C5: variants seen among roughly 807,000 people sequenced by gnomAD.
C5 encodes complement C5, also known as C3 and PZP-like alpha-2-macroglobulin domain-containing protein 4.
Under a neutral mutation model 218.8 loss-of-function variants are expected in C5, and 140 were observed. The ratio of observed to expected loss-of-function variants is 0.64; its 90% confidence interval spans 0.56 to 0.74. The LOEUF is 0.74. C5 is among the 30% of genes least tolerant of loss of function. The pLI is 0.00. For synonymous variants in C5, 614 were observed against 682.3 expected, an observed-to-expected ratio of 0.90 and a Z score of 1.56; for missense variants, 1,700 against 1,969.6, an observed-to-expected ratio of 0.86 and a Z score of 2.59.
chr9:120,980,320 C>A, intron 27 of C5, 66 bp from the exon 28 acceptor site: 2 of 1,353,142 alleles, frequency 1.5e-6, no homozygotes, highest in East Asian at 4.6e-5. Context: ...ATATGAACTA[C>A]CCTCAGATCC....
chr9:120,989,522 A>G (rs3764912), intron 24 of C5, 46 bp downstream of exon 24: 628,050 of 1,193,092 alleles, frequency 0.53, 172,498 homozygotes, highest in East Asian at 0.76. Context: ...TAAAAATATT[A>G]GTTTAGAATC....
At chr9:121,066,137 A>G in the C5 span, among the ~76,000 whole-genome samples, 1 of 151,772 alleles carries the variant, frequency 6.6e-6, no homozygotes, top group Non-Finnish European at 1.5e-5. Context: ...ATATGGCGAA[A>G]CCCCATCTCT....
intron 26 of C5, among the ~76,000 whole-genome samples, 160 bp downstream of exon 26, chr9:120,982,495 G>C (rs181244356): frequency 6.6e-6 from 1 of 152,328 alleles, no homozygotes; most frequent in East Asian, 1.9e-4. Context: ...CTTCACTTCA[G>C]ATATTATGGG....
chr9:121,050,399 C>T (rs2047663294), upstream of C5: 7 of 676,698 alleles, frequency 1.0e-5, no homozygotes, highest in East Asian at 1.9e-4. Flanking sequence ...AACTAAAACA[C>T]CCTTTCATGC....
chr9:120,987,374 G>A (rs577333558), intron 25 of C5, among the ~76,000 whole-genome samples: 2 of 152,160 alleles, frequency 1.3e-5, no homozygotes, highest in Non-Finnish European at 2.9e-5. Flanking sequence ...GCCAGGCGCA[G>A]TGGCTCATGC....
chr9:121,004,720 C>T (rs528934966), intron 20 of C5, among the ~76,000 whole-genome samples: 62 of 152,028 alleles, frequency 4.1e-4, no homozygotes, highest in African/African-American at 1.4e-3. Context: ...TTGCAGTGAG[C>T]GGAGATCGCA....
intron 29 of C5, 34 bp downstream of exon 29, chr9:120,976,666 T>C: frequency 6.4e-7 from 1 of 1,555,394 alleles, no homozygotes; most frequent in Non-Finnish European, 8.9e-7. Flanking sequence ...TAAAAATGTC[T>C]ACAGGGAGAT....
chr9:121,056,793 G>A, the C5 span, among the ~76,000 whole-genome samples: 29 of 152,138 alleles, frequency 1.9e-4, no homozygotes, highest in East Asian at 2.5e-3. Flanking sequence ...GAGAGAGAGA[G>A]AAAAATTGGG....
At chr9:121,039,408 G>C (rs917742957) in intron 3 of C5, among the ~76,000 whole-genome samples, 1 of 152,058 alleles carries the variant, frequency 6.6e-6, no homozygotes, top group Non-Finnish European at 1.5e-5. Context: ...GGAGGCCGAG[G>C]TAAGTGGATC....
chr9:120,990,786 C>T (rs1256927856), intron 23 of C5, among the ~76,000 whole-genome samples: 1 of 152,188 alleles, frequency 6.6e-6, no homozygotes, highest in African/African-American at 2.4e-5. Flanking sequence ...ACTAAGACAA[C>T]CCTTCTGGGA....
rs1170628538 is a variant in C5, at chr9:121,039,170, C to A, written c.422-1219G>T. ...CTTGTGAGAATTAAATAATGCAAAG[C>A]TTTTGCATAGCCTGACACATACTAA... On this transcript the variant is annotated intron_variant, in intron 3 of 40. Transcript: ENST00000223642. Among the ~76,000 whole-genome samples the A allele has an allele frequency of 5.3e-5, 8 of 152,260 alleles. No individual in the cohort carries two copies. In the East Asian group the frequency reaches 9.6e-4, roughly 18 times the overall value.
In C5 at chr9:120,976,754, G is replaced by C; in HGVS notation, c.3810C>G (p.Val1270=). The C allele has an allele frequency of 1.2e-6, 2 of 1,614,090 alleles. No individual in the cohort carries two copies. The highest frequency in any genetic ancestry group is 2.2e-5 in the South Asian group (2 of 91,064). Reference sequence around the variant, plus strand: ...TCTGCTCTTCTGATAGCCATTTGATGACTGGGTTAACATAATTTATATCTT... The same window carrying C: ...TCTGCTCTTCTGATAGCCATTTGATCACTGGGTTAACATAATTTATATCTT... The part of the protein sequence containing the change: ...NLKDINYVNP[V]IKWLSEEQRY... Residue 1270 remains valine, a synonymous_variant, in exon 29 of 41, where the codon GTC becomes GTG. Coordinates refer to ENST00000223642, the MANE Select transcript of C5 (RefSeq NM_001735.3).
At chr9:121,061,778 C>T in the C5 span, among the ~76,000 whole-genome samples, 4 of 152,184 alleles carry the variant, frequency 2.6e-5, no homozygotes, top group Non-Finnish European at 4.4e-5. Flanking sequence ...ATAGTTCATA[C>T]ATGTATATAT....
rs1395530580 is a variant in C5, at chr9:120,989,565, T to TA, written c.3154+2dup. The TA allele has an allele frequency of 7.7e-6, 12 of 1,564,752 alleles. No individual in the cohort carries two copies. The highest frequency in any genetic ancestry group is 3.4e-5 in the Admixed American group (2 of 59,020). ...TTTTATGTGAAATACTTTTTTTTTTTACCTTCTTTTAATTTTTTCTTCAGT... is the reference window on the plus strand; with the variant it reads ...TTTTATGTGAAATACTTTTTTTTTTTAACCTTCTTTTAATTTTTTCTTCAGT... On this transcript the variant is annotated splice_region_variant and intron_variant, in intron 24 of 40. Coordinates refer to ENST00000223642, the MANE Select transcript of C5 (RefSeq NM_001735.3).
the C5 span, among the ~76,000 whole-genome samples, chr9:121,059,752 G>T: frequency 6.6e-6 from 1 of 152,196 alleles, no homozygotes; most frequent in Non-Finnish European, 1.5e-5. This position sits in a 1 kb window ranked among gnomAD's most constrained non-coding sequence, Gnocchi z 4.1. Flanking sequence ...CTCTTGAACG[G>T]CCTGTTCTAG....
At chr9:121,036,529 T>C (rs1216823196) in intron 4 of C5, among the ~76,000 whole-genome samples, 1 of 152,270 alleles carries the variant, frequency 6.6e-6, no homozygotes, top group East Asian at 1.9e-4. Context: ...TCCTTAGTTC[T>C]CTTTCAGACA....
chr9:121,043,524 T>C (rs1407926720), intron 2 of C5, among the ~76,000 whole-genome samples: 1 of 151,986 alleles, frequency 6.6e-6, no homozygotes, highest in Non-Finnish European at 1.5e-5. Flanking sequence ...ACCGATTCTC[T>C]GGACCCTTAG....
rs148593837 is a variant in C5 at position 120,994,515 on chromosome 9, G to A, written c.2851+1725C>T. On this transcript the variant is annotated intron_variant, in intron 22 of 40. Transcript: ENST00000223642. ...GGAGAATCGCTTGAAATCAGGAGGT[G>A]GAGGTTGCAGTGAGCTGACATGGCG... is the stretch of plus-strand genomic sequence containing the variant. 8.6e-3 allele frequency among the ~76,000 whole-genome samples: 1,301 copies of A among 152,062 alleles called. 9 individuals are homozygous for A. The highest frequency in any genetic ancestry group is 0.015 in the Non-Finnish European group (1,007 of 67,960).
chr9:121,019,967 T>G lies in C5; in HGVS notation c.1506+9A>C, dbSNP rs1319559717. 4 of 1,518,818 alleles carry G rather than the reference T, an allele frequency of 2.6e-6. No individual in the cohort carries two copies. The highest frequency in any genetic ancestry group is 3.7e-6 in the Non-Finnish European group (4 of 1,093,564). The allele number at this position is 1,518,818 out of a possible 1,614,324, so 94.1% of individuals were successfully genotyped here. ...GGAATAAGATGTAAATCCATCATTA[T>G]GTACTTACCAAGTAATTATAGTGAG... On this transcript the variant is annotated intron_variant, in intron 12 of 40. Transcript: ENST00000223642.
Sources: gnomAD v4.1 joint callset for allele counts (sites outside exome capture counted in the v4.1 genomes callset) on GRCh38, gnomAD v4.1.1 for gene constraint, Gnocchi (gnomAD v3.1) non-coding constraint, MANE v1.5 for transcripts, NCBI Gene and HGNC (gene_info 2026-07-23, HGNC 2026-07-21) for gene names.